Variants in TDRD3 observed in about 807,000 individuals in gnomAD.
TDRD3 encodes tudor domain-containing protein 3.
Under a neutral mutation model 86.7 loss-of-function variants are expected in TDRD3, and 45 were observed. The ratio of observed to expected loss-of-function variants is 0.52; its 90% CI spans 0.41 to 0.67. The LOEUF (loss-of-function observed/expected upper bound fraction) is 0.67. TDRD3 is among the 30% of genes least tolerant of loss of function. The pLI, the probability that TDRD3 is intolerant of heterozygous loss-of-function variation, is 0.00. For missense variants in TDRD3, 814 were observed against 889.0 expected, an observed-to-expected ratio of 0.92 and a Z score of 1.07; for synonymous variants, 298 against 301.7, an observed-to-expected ratio of 0.99 and a Z score of 0.13.
chr13:60,526,096 C>A (rs557959456), intron 10 of TDRD3, among the ~76,000 whole-genome samples: 3 of 152,090 alleles, frequency 2.0e-5, no homozygotes, highest in Non-Finnish European at 4.4e-5. Context: ...TAGTTACTCT[C>A]GTGATGACTT....
chr13:60,408,438 T>C (rs1954284943), intron 1 of TDRD3, among the ~76,000 whole-genome samples: 1 of 152,078 alleles, frequency 6.6e-6, no homozygotes, highest in Non-Finnish European at 1.5e-5. Flanking sequence ...GACAGGAAAA[T>C]GTGGGAAAGT....
At chr13:60,467,455 G>A in intron 5 of TDRD3, 76 bp downstream of exon 5, 3 of 1,517,418 alleles carry the variant, frequency 2.0e-6, no homozygotes, top group East Asian at 4.5e-5. Flanking sequence ...TTTCAATAAT[G>A]AGTAAAATTA....
intron 5 of TDRD3, among the ~76,000 whole-genome samples, chr13:60,470,616 G>A (rs949455861): frequency 1.4e-5 from 2 of 140,890 alleles, no homozygotes; most frequent in Non-Finnish European, 3.0e-5. Context: ...TTTTGATATG[G>A]AGTGTTGCCC....
At chr13:60,572,607 G>T (rs1315728826) in intron 13 of TDRD3, among the ~76,000 whole-genome samples, 3 of 152,176 alleles carry the variant, frequency 2.0e-5, no homozygotes, top group Admixed American at 6.5e-5. Flanking sequence ...GGCTCAATGT[G>T]TAAAGCAGTT....
chr13:60,474,255 C>T (rs1316473967), intron 5 of TDRD3, among the ~76,000 whole-genome samples: 1 of 152,194 alleles, frequency 6.6e-6, no homozygotes, highest in Non-Finnish European at 1.5e-5. Flanking sequence ...CATGACCTTA[C>T]CTATCATTGT....
intron 2 of TDRD3, 28 bp from the exon 3 acceptor site, chr13:60,444,655 C>T (rs375562678): frequency 1.7e-6 from 2 of 1,199,068 alleles, no homozygotes; most frequent in Non-Finnish European, 2.3e-6. Context: ...TCTATAATTC[C>T]ATTTTAATAA....
rs536444689 is a variant in TDRD3 at position 60,433,031 on chromosome 13, A to AT, written c.42-6649dup. Among the ~76,000 whole-genome samples, 70 of 151,730 alleles carry AT rather than the reference A, an allele frequency of 4.6e-4. 1 individual carries two copies. In the East Asian group the frequency reaches 0.011, roughly 25 times the overall value. ...CCAGTCACTGTCCAGATATCTTCTTATTTTTTTTGACATAGTCCCTATCCA... is the reference window on the plus strand; with the variant it reads ...CCAGTCACTGTCCAGATATCTTCTTATTTTTTTTTGACATAGTCCCTATCCA... On this transcript the variant is annotated intron_variant, in intron 1 of 13. Transcript: ENST00000377881.
At chr13:60,402,406 G>A (rs572539730) in intron 1 of TDRD3, among the ~76,000 whole-genome samples, 1 of 152,308 alleles carries the variant, frequency 6.6e-6, no homozygotes, top group East Asian at 1.9e-4. Flanking sequence ...CATATAATAA[G>A]AGGGTATTAG....
chr13:60,454,384 T>A (rs1236956207), intron 3 of TDRD3, among the ~76,000 whole-genome samples: 1 of 152,096 alleles, frequency 6.6e-6, no homozygotes, highest in Non-Finnish European at 1.5e-5. Context: ...GGGCTTAAAA[T>A]TTTTTTTAAT....
rs2137779945 is a variant in TDRD3 at position 60,528,696 on chromosome 13, C to T, written c.1471C>T (p.His491Tyr). The change falls in exon 11 of 14, where the codon CAT (histidine) becomes TAT (tyrosine). Residue 491 changes from histidine (H) to tyrosine (Y), a missense_variant. His to Tyr is a moderately conservative substitution (Grantham distance 83). Coordinates refer to ENST00000377881, the MANE Select transcript of TDRD3 (RefSeq NM_001146070.2). Reference sequence around the variant, plus strand: ...TACTTCATATCCTTTAGGTTCTCAGCATAGTGATGGTGCTTTTAAAAAAAG... The same window carrying T: ...TACTTCATATCCTTTAGGTTCTCAGTATAGTGATGGTGCTTTTAAAAAAAG... ...KDTSYPLGSQHSDGAFKKRDN... is the reference protein window; with the variant it reads ...KDTSYPLGSQYSDGAFKKRDN... 2 of 1,613,094 alleles carry T rather than the reference C, an allele frequency of 1.2e-6. No individual in the cohort carries two copies. The highest frequency in any genetic ancestry group is 3.3e-5 in the Admixed American group (2 of 59,892).
chr13:60,460,508 A>G lies in TDRD3; in HGVS notation c.321A>G (p.Thr107=), dbSNP rs1955780067. 1 of 1,569,044 alleles carries G rather than the reference A, an allele frequency of 6.4e-7. No homozygotes were observed. The highest frequency in any genetic ancestry group is 1.2e-5 in the South Asian group (1 of 82,542). ...LQMTDGHISC[T]AVEFSYMSKI... is the part of the protein sequence containing the mutation. ...TGACTGATGGTCATATAAGTTGCAC[A>G]GCAGTAGAATTTAGTTATATGTCAA... is the stretch of plus-strand genomic sequence containing the variant. Residue 107 remains threonine (T), a synonymous_variant, in exon 4 of 14, where the codon ACA becomes ACG. Transcript: ENST00000377881.
At chr13:60,527,484 A>G (rs1288247933) in intron 10 of TDRD3, among the ~76,000 whole-genome samples, 1 of 152,224 alleles carries the variant, frequency 6.6e-6, no homozygotes, top group Admixed American at 6.5e-5. Flanking sequence ...GATGTATGAC[A>G]AAGGAAACAA....
chr13:60,401,894 T>C lies in TDRD3; in HGVS notation c.41+4489T>C, dbSNP rs542223995. ...AGAAAGCCTACAGCTTATTAAGGTC[T>C]TTGTCAAAATGTAGAACTGGAAAAC... is the stretch of plus-strand genomic sequence containing the variant. On this transcript the variant is annotated intron_variant, in intron 1 of 13. Coordinates refer to ENST00000377881, the MANE Select transcript of TDRD3 (RefSeq NM_001146070.2). Among the ~76,000 whole-genome samples, 6 of 152,322 alleles carry C rather than the reference T, an allele frequency of 3.9e-5. No individual in the cohort carries two copies. The South Asian group carries it at 1.0e-3, about 26-fold the overall frequency.
At chr13:60,492,540 A>G (rs955301168) in intron 7 of TDRD3, among the ~76,000 whole-genome samples, 4 of 152,368 alleles carry the variant, frequency 2.6e-5, no homozygotes, top group Non-Finnish European at 5.9e-5. Context: ...CTGGGCCAAG[A>G]TAAGTCCCAG....
chr13:60,482,006 CTGAATGAA>C (rs927447415), intron 5 of TDRD3, among the ~76,000 whole-genome samples: 1 of 152,172 alleles, frequency 6.6e-6, no homozygotes, highest in Non-Finnish European at 1.5e-5. Context: ...ACTCCCTGTC[CTGAATGAA>C]TGTCCAAAGA....
chr13:60,491,330 G>T (rs751406096), intron 7 of TDRD3, among the ~76,000 whole-genome samples: 8 of 152,060 alleles, frequency 5.3e-5, no homozygotes, highest in Non-Finnish European at 8.8e-5. Context: ...ACTGAAGAGT[G>T]AGCTTTATAA....
In TDRD3 at chr13:60,467,235, T is replaced by C. The variant is rs1181357062; in HGVS notation, c.354-3T>C. 2 of 1,612,466 alleles carry C rather than the reference T, an allele frequency of 1.2e-6. No individual in the cohort carries two copies. Among genetic ancestry groups the C allele is most frequent in the Non-Finnish European group, 1.7e-6 (2 of 1,179,506 alleles). ...GTTTTTAACACTTTTCTCTTTGCTT[T>C]AGCCTGAACACACCACCTGGAACTA... On this transcript the variant is annotated splice_polypyrimidine_tract_variant and splice_region_variant and intron_variant, in intron 4 of 13. Transcript: ENST00000377881.
At chr13:60,449,419 A>G (rs1955483301) in intron 3 of TDRD3, among the ~76,000 whole-genome samples, 1 of 152,126 alleles carries the variant, frequency 6.6e-6, no homozygotes, top group Non-Finnish European at 1.5e-5. Flanking sequence ...AAACTATTCA[A>G]CTTACCTTTT....
chr13:60,489,636 C>A (rs1199313841), intron 7 of TDRD3, among the ~76,000 whole-genome samples: 2 of 152,130 alleles, frequency 1.3e-5, no homozygotes, highest in Non-Finnish European at 2.9e-5. Flanking sequence ...AGAGCTAATA[C>A]TACTGCTACT....
Sources: gnomAD v4.1 joint callset for allele counts (sites outside exome capture counted in the v4.1 genomes callset) on GRCh38, gnomAD v4.1.1 for gene constraint, MANE v1.5 for transcripts, NCBI Gene and HGNC (gene_info 2026-07-23, HGNC 2026-07-21) for gene names.